CDKN2A: variants seen among roughly 807,000 people sequenced by gnomAD.
CDKN2A encodes cyclin-dependent kinase inhibitor 2A.
Under a neutral mutation model 11.1 loss-of-function variants are expected in CDKN2A, and 3 were observed. That is an observed-to-expected ratio of 0.27 (90% CI 0.12 to 0.70). The LOEUF is 0.70. Ranked by LOEUF, CDKN2A falls within the 30% of genes least tolerant of loss-of-function variation. The pLI is 0.77. For synonymous variants in CDKN2A, 122 were observed against 108.1 expected (o/e 1.13, Z -0.80); for missense variants, 265 against 233.6 (o/e 1.13, Z -0.88).
chr9:21,984,990 T>C (rs989148724), intron 2 of CDKN2A, among the ~76,000 whole-genome samples: 8 of 152,000 alleles, frequency 5.3e-5, no homozygotes, highest in African/African-American at 1.4e-4. Flanking sequence ...TCACCTGATA[T>C]GTGATTCAAC....
At chr9:21,992,513 C>A (rs1050120774) in intron 2 of CDKN2A, 1 of 707,270 alleles carries the variant, frequency 1.4e-6, no homozygotes, top group Non-Finnish European at 1.7e-6. Context: ...TTTCAATGAA[C>A]CTATCATTTA....
intron 1 of CDKN2A, chr9:21,994,455 C>G (rs2131149690): frequency 6.5e-7 from 1 of 1,543,122 alleles, no homozygotes; most frequent in South Asian, 1.2e-5. Flanking sequence ...CCCTGCCCAT[C>G]TCCGCCCCGC....
upstream of CDKN2A, among the ~76,000 whole-genome samples, chr9:21,979,733 T>C (rs1412291077): frequency 1.3e-5 from 2 of 152,138 alleles, no homozygotes; most frequent in African/African-American, 4.8e-5. Context: ...GTAGAGAGGA[T>C]GGGTTGAGTA....
chr9:21,971,580 T>G (rs1356052425), intron 1 of CDKN2A, among the ~76,000 whole-genome samples: 1 of 148,024 alleles, frequency 6.8e-6, no homozygotes, highest in Non-Finnish European at 1.5e-5. Context: ...TGGAGATTTT[T>G]TTTTTTTTTT....
upstream of CDKN2A, chr9:21,975,201 G>A (rs1020294520): frequency 2.0e-5 from 22 of 1,079,478 alleles, no homozygotes; most frequent in Non-Finnish European, 2.4e-5. Flanking sequence ...CCGCCCTCCG[G>A]CCTCCCTGCT....
At chr9:21,978,546 A>T (rs1349321248), upstream of CDKN2A, among the ~76,000 whole-genome samples, 5 of 152,192 alleles carry the variant, frequency 3.3e-5, no homozygotes, top group Non-Finnish European at 7.3e-5. Context: ...AATTTACTAC[A>T]TTTACTAAAT....
Position 21,970,957 on chromosome 9 carries a change from C to T in CDKN2A, c.402G>A (p.Ala134=), listed in dbSNP as rs878853649. The T allele has an allele frequency of 6.2e-7, 1 of 1,611,786 alleles. No homozygotes were observed. Among genetic ancestry groups the T allele is most frequent in the Non-Finnish European group, 8.5e-7 (1 of 1,180,028 alleles). Reference sequence around the variant, plus strand: ...CATGGTTACTGCCTCTGGTGCCCCCCGCAGCCGCGCGCAGGTACCGTGCGA... The same window carrying T: ...CATGGTTACTGCCTCTGGTGCCCCCTGCAGCCGCGCGCAGGTACCGTGCGA... ...RDVARYLRAA[A]GGTRGSNHAR... is the part of the protein sequence containing the mutation. Residue 134 remains alanine, a synonymous_variant, in exon 2 of 3, where the codon GCG becomes GCA. Coordinates refer to ENST00000304494, the MANE Select transcript of CDKN2A (RefSeq NM_000077.5).
upstream of CDKN2A, among the ~76,000 whole-genome samples, chr9:21,978,470 G>A (rs2131121622): frequency 6.6e-6 from 1 of 151,898 alleles, no homozygotes; most frequent in African/African-American, 2.4e-5. Context: ...GTGCAAAATG[G>A]GATTATAATA....
chr9:21,982,984 T>A, intron 2 of CDKN2A, among the ~76,000 whole-genome samples: 1 of 152,138 alleles, frequency 6.6e-6, no homozygotes, highest in East Asian at 1.9e-4. Context: ...GTTTTCCTAA[T>A]GATAATTTAT....
At chr9:21,992,146 T>C (rs1364230298) in intron 2 of CDKN2A, 2 of 826,534 alleles carry the variant, frequency 2.4e-6, no homozygotes, top group Admixed American at 6.2e-5. Flanking sequence ...TTAAAAAAAG[T>C]TAAAATAACA....
intron 2 of CDKN2A, among the ~76,000 whole-genome samples, chr9:21,981,352 C>A (rs3731225): frequency 2.7e-5 from 4 of 150,922 alleles, no homozygotes; most frequent in African/African-American, 9.7e-5. Flanking sequence ...AAAAAGATTT[C>A]AGAGTCTGGA....
intron 2 of CDKN2A, among the ~76,000 whole-genome samples, chr9:21,981,890 G>A (rs1189571144): frequency 6.6e-6 from 1 of 152,070 alleles, no homozygotes; most frequent in African/African-American, 2.4e-5. Context: ...AGCATGAAAG[G>A]GAGACCTCTG....
At chr9:21,979,205 G>A (rs2518721), upstream of CDKN2A, among the ~76,000 whole-genome samples, 134,791 of 152,236 alleles carry the variant, frequency 0.89, 59,705 homozygotes, top group East Asian at 0.98. Context: ...AACTGAAAGT[G>A]ATTCATTTAG....
chr9:21,978,069 G>A (rs1051474783), upstream of CDKN2A, among the ~76,000 whole-genome samples: 2 of 144,120 alleles, frequency 1.4e-5, no homozygotes, highest in Non-Finnish European at 3.0e-5. Flanking sequence ...ATCCTTGGGT[G>A]GGGCCATTTT....
chr9:21,992,622 A>G (rs1490670447), intron 2 of CDKN2A: 1 of 218,676 alleles, frequency 4.6e-6, no homozygotes, highest in Non-Finnish European at 7.7e-6. Flanking sequence ...CTAAACTAAA[A>G]AATACATAAT....
At position 21,968,834 on chromosome 9, in the gene CDKN2A, G is replaced by A. The variant is rs1819542808; in HGVS notation, c.458-592C>T. ...GGCTTCTGCCTTCCTCTCTAATCTC[G>A]TTGCGTATGGGCTCCAGCTCGCCGT... On this transcript the variant is annotated intron_variant, in intron 2 of 2. Coordinates refer to ENST00000304494, the MANE Select transcript of CDKN2A (RefSeq NM_000077.5). This position sits in a 1 kb window ranked among gnomAD's most constrained non-coding sequence, Gnocchi z 4.7. 2.7e-6 allele frequency: 4 copies of A among 1,485,218 alleles called. No homozygotes were observed. Among genetic ancestry groups the A allele is most frequent in the Admixed American group, 2.0e-5 (1 of 50,938 alleles). 92.0% of individuals were successfully genotyped at this position (1,485,218 alleles called of 1,614,324 possible). A position where few individuals can be genotyped will look rare whatever the true frequency, so the allele number is the denominator to read the frequency against.
intron 1 of CDKN2A, chr9:21,994,443 C>A (rs71506711): frequency 1.0e-5 from 16 of 1,560,956 alleles, no homozygotes; most frequent in Non-Finnish European, 1.2e-5. Flanking sequence ...CCACGCACCG[C>A]CCCCTGCCCA....
rs188946884 is a variant in CDKN2A, at chr9:21,986,777, T to G, written c.-4+7105A>C. On this transcript the variant is annotated intron_variant, in intron 2 of 3. Transcript: ENST00000494262. ...CAATAAGCTTTTAAAAATTAAATGT[T>G]AAATATAATATATTCAACTTCAACT... Among the ~76,000 whole-genome samples the G allele has an allele frequency of 2.4e-3, 368 of 152,198 alleles. 4 individuals are homozygous for G. Among genetic ancestry groups the G allele is most frequent in the Admixed American group, 4.5e-3 (69 of 15,292 alleles).
In CDKN2A at chr9:21,983,329, ACTT is replaced by A. The variant is rs1820237741; in HGVS notation, c.-4+10550_-4+10552del. ...GCAATAATTATTAACATTTTGAAAT[ACTT>A]CTTCCTTTTTCTTTGCTTAATCTTT... On this transcript the variant is annotated intron_variant, in intron 2 of 3. Coordinates refer to the CDKN2A transcript ENST00000494262. Among the ~76,000 whole-genome samples, 3 of 152,098 alleles carry A rather than the reference ACTT, an allele frequency of 2.0e-5. 1 individual carries two copies. The highest frequency in any genetic ancestry group is 4.1e-4 in the South Asian group (2 of 4,832).
Sources: gnomAD v4.1 joint callset for allele counts (sites outside exome capture counted in the v4.1 genomes callset) on GRCh38, gnomAD v4.1.1 for gene constraint, Gnocchi (gnomAD v3.1) non-coding constraint, MANE v1.5 for transcripts, NCBI Gene and HGNC (gene_info 2026-07-23, HGNC 2026-07-21) for gene names.